Variants in ADGRL2 observed in about 807,000 individuals in gnomAD.
The protein encoded by ADGRL2 is calcium-independent alpha-latrotoxin receptor 2.
In ADGRL2, 44 loss-of-function variants were observed where a neutral mutation model predicts 157.4. The ratio of observed to expected loss-of-function variants is 0.28; its 90% confidence interval spans 0.22 to 0.36. The LOEUF is 0.36. ADGRL2 is among the 10% of genes least tolerant of loss of function. The probability of loss-of-function intolerance (pLI) is 1.00; values close to 1 mark genes in which losing one functional copy is unlikely to be tolerated. For synonymous variants in ADGRL2, 585 were observed against 624.7 expected (o/e 0.94, Z 0.95); for missense variants, 1,510 against 1,768.9 (o/e 0.85, Z 2.63).
chr1:81,577,757 C>T (rs2080825370), intron 2 of ADGRL2, among the ~76,000 whole-genome samples: 1 of 152,142 alleles, frequency 6.6e-6, no homozygotes. Context: ...ACTGTTTAAC[C>T]AGGCACACCT....
rs115589095 is a variant in ADGRL2, at chr1:81,558,623, T to A, written c.-247-22253T>A. On this transcript the variant is annotated intron_variant, in intron 2 of 24. Coordinates refer to the ADGRL2 transcript ENST00000370721. ...GCAAATTTTGCCTCAGCTATTGAAA[T>A]TTGTTATGGAAATAACAATGAAAAA... 3.4e-3 allele frequency among the ~76,000 whole-genome samples: 513 copies of A among 152,298 alleles called. 1 individual carries two copies. The highest frequency in any genetic ancestry group is 0.012 in the African/African-American group (486 of 41,576).
intron 1 of ADGRL2, among the ~76,000 whole-genome samples, chr1:81,426,197 G>A (rs914435012): frequency 9.9e-5 from 15 of 152,246 alleles, no homozygotes; most frequent in South Asian, 6.2e-4. Context: ...TGATAAACTG[G>A]GCAGAACTTA....
At chr1:81,890,266 G>A (rs964464983) in intron 2 of ADGRL2, among the ~76,000 whole-genome samples, 7 of 152,100 alleles carry the variant, frequency 4.6e-5, no homozygotes, top group African/African-American at 1.7e-4. Flanking sequence ...TCACATACCA[G>A]ATTTTATATA....
intron 1 of ADGRL2, among the ~76,000 whole-genome samples, chr1:81,806,398 C>G (rs897018307): frequency 1.1e-4 from 16 of 151,934 alleles, no homozygotes; most frequent in Non-Finnish European, 2.2e-4. Flanking sequence ...CTGGGTGTTT[C>G]CTTTTTTGAA....
At chr1:81,841,119 C>A (rs183710242) in intron 2 of ADGRL2, among the ~76,000 whole-genome samples, 1 of 152,104 alleles carries the variant, frequency 6.6e-6, no homozygotes, top group African/African-American at 2.4e-5. Flanking sequence ...AGGTTGAATC[C>A]TTTATGCAGT....
At chr1:81,375,060 T>C (rs953864615) in intron 1 of ADGRL2, among the ~76,000 whole-genome samples, 2 of 152,186 alleles carry the variant, frequency 1.3e-5, no homozygotes, top group Admixed American at 1.3e-4. Context: ...TGGAGTGTTG[T>C]TCCAGACAAC....
At chr1:81,477,282 C>T (rs1489722131) in intron 2 of ADGRL2, among the ~76,000 whole-genome samples, 6 of 152,134 alleles carry the variant, frequency 3.9e-5, no homozygotes, top group African/African-American at 9.7e-5. Flanking sequence ...GCTGTCATAT[C>T]GTAAAGCCAG....
intron 3 of ADGRL2, among the ~76,000 whole-genome samples, chr1:81,670,483 T>C (rs1191640081): frequency 1.3e-5 from 2 of 152,130 alleles, no homozygotes; most frequent in Non-Finnish European, 2.9e-5. Context: ...GCACGAAGCC[T>C]AGAAGTCTGA....
chr1:81,959,988 C>T lies in ADGRL2; in HGVS notation c.2017+3928C>T, dbSNP rs548329174. 1.2e-4 allele frequency among the ~76,000 whole-genome samples: 18 copies of T among 152,070 alleles called. No individual in the cohort carries two copies. In the South Asian group the frequency reaches 2.5e-3, roughly 21 times the overall value. The stretch of plus-strand genomic sequence containing the variant: ...GCTAATTTTGTATTTTTAGTTAAGA[C>T]GGGATTTCACCATGTTGGTCAGGCT... On this transcript the variant is annotated intron_variant, in intron 11 of 23. Transcript: ENST00000686636.
intron 1 of ADGRL2, among the ~76,000 whole-genome samples, chr1:81,331,360 T>C (rs1181375779): frequency 6.6e-6 from 1 of 152,138 alleles, no homozygotes; most frequent in African/African-American, 2.4e-5. Flanking sequence ...AGATAAGTTT[T>C]GACCCTTTGG....
At chr1:81,841,874 G>A (rs2092594321) in intron 2 of ADGRL2, among the ~76,000 whole-genome samples, 1 of 152,174 alleles carries the variant, frequency 6.6e-6, no homozygotes, top group Non-Finnish European at 1.5e-5. Flanking sequence ...AAGACAATGA[G>A]CAGTTGTAAT....
At chr1:81,855,000 G>A (rs549618399) in intron 2 of ADGRL2, among the ~76,000 whole-genome samples, 39 of 152,258 alleles carry the variant, frequency 2.6e-4, no homozygotes, top group Non-Finnish European at 5.3e-4. Flanking sequence ...TATTCTGGAA[G>A]TATTTCTTTA....
chr1:81,508,793 C>G (rs571559246), intron 2 of ADGRL2, among the ~76,000 whole-genome samples: 1 of 152,128 alleles, frequency 6.6e-6, no homozygotes, highest in Non-Finnish European at 1.5e-5. Context: ...ATTGTTCCTT[C>G]ATTAATTTTC....
At chr1:81,354,049 T>A (rs1663105105) in intron 1 of ADGRL2, among the ~76,000 whole-genome samples, 1 of 152,168 alleles carries the variant, frequency 6.6e-6, no homozygotes, top group East Asian at 1.9e-4. Flanking sequence ...CAAAGAACTC[T>A]GATATGAGAA....
At chr1:81,618,707 G>A (rs1347844713) in intron 3 of ADGRL2, among the ~76,000 whole-genome samples, 2 of 152,194 alleles carry the variant, frequency 1.3e-5, no homozygotes, top group Non-Finnish European at 2.9e-5. Context: ...AAGACAAGGT[G>A]TTCTGTTCTA....
intron 3 of ADGRL2, among the ~76,000 whole-genome samples, chr1:81,925,237 T>A (rs1362074064): frequency 6.6e-6 from 1 of 152,112 alleles, no homozygotes; most frequent in African/African-American, 2.4e-5. Flanking sequence ...AAACATGAAC[T>A]ATGTATTTCC....
chr1:81,547,112 G>A (rs1277422477), intron 2 of ADGRL2, among the ~76,000 whole-genome samples: 1 of 152,112 alleles, frequency 6.6e-6, no homozygotes, highest in South Asian at 2.1e-4. Context: ...TGGCAAAGTT[G>A]CCAGGCAAGA....
upstream of ADGRL2, among the ~76,000 whole-genome samples, chr1:81,800,774 T>C (rs1173722060): frequency 7.8e-6 from 1 of 128,032 alleles, no homozygotes; most frequent in East Asian, 2.2e-4. Context: ...GAGTGGAGTT[T>C]GGGGGTGGGC....
chr1:81,306,735 G>T (rs1659361972), intron 1 of ADGRL2, among the ~76,000 whole-genome samples: 1 of 152,154 alleles, frequency 6.6e-6, no homozygotes, highest in Non-Finnish European at 1.5e-5. Context: ...ATGCCAGAAA[G>T]ATTAGAGTAT....
Sources: allele counts gnomAD v4.1 joint callset (sites outside exome capture counted in the v4.1 genomes callset), GRCh38; gene constraint gnomAD v4.1.1; transcripts MANE v1.5; gene names NCBI Gene and HGNC (gene_info 2026-07-23, HGNC 2026-07-21).